UNC13C: variants seen among roughly 807,000 people sequenced by gnomAD.
UNC13C encodes unc-13 homolog C.
UNC13C carries 174 observed loss-of-function variants against 245.4 expected under a neutral mutation model. The observed-to-expected ratio is 0.71, with a 90% CI of 0.63 to 0.80. UNC13C has a LOEUF of 0.80. Among genes scored for constraint, UNC13C ranks in the 30% least tolerant of loss-of-function variants. The pLI, the probability that UNC13C is intolerant of heterozygous loss-of-function variation, is 0.00. For synonymous variants in UNC13C, 992 were observed against 895.1 expected (o/e 1.11, Z -1.93); for missense variants, 2,829 against 2,602.9 (o/e 1.09, Z -1.89).
At chr15:54,434,276 C>A (rs1261007243) in intron 19 of UNC13C, among the ~76,000 whole-genome samples, 1 of 152,000 alleles carries the variant, frequency 6.6e-6, no homozygotes, top group Non-Finnish European at 1.5e-5. Context: ...GCCCATATAG[C>A]CAAGACAATC....
At chr15:54,211,491 G>A (rs1363048615) in intron 4 of UNC13C, among the ~76,000 whole-genome samples, 1 of 152,044 alleles carries the variant, frequency 6.6e-6, no homozygotes, top group Non-Finnish European at 1.5e-5. Context: ...CTAGTATCAA[G>A]TTATCCTACT....
intron 2 of UNC13C, among the ~76,000 whole-genome samples, chr15:54,092,044 G>A (rs570902736): frequency 3.3e-5 from 5 of 152,068 alleles, no homozygotes; most frequent in African/African-American, 9.7e-5. Flanking sequence ...ATTTGAACAC[G>A]GATCCCCTCT....
At chr15:54,303,619 AT>A (rs1239046591) in intron 13 of UNC13C, among the ~76,000 whole-genome samples, 2 of 108,456 alleles carry the variant, frequency 1.8e-5, no homozygotes, top group African/African-American at 6.4e-5. Context: ...AAAGATAAGT[AT>A]TTTTCTTTTT....
intron 18 of UNC13C, among the ~76,000 whole-genome samples, chr15:54,401,951 G>A (rs2040195985): frequency 6.6e-6 from 1 of 151,580 alleles, no homozygotes; most frequent in Admixed American, 6.6e-5. Context: ...ATTATTTGTA[G>A]TTACTTGAGC....
chr15:54,567,914 A>C lies in UNC13C; in HGVS notation c.6073A>C (p.Ile2025Leu), dbSNP rs368140835. 1.3e-6 allele frequency: 2 copies of C among 1,585,068 alleles called. No homozygotes were observed. The highest frequency in any genetic ancestry group is 3.5e-5 in the Admixed American group (2 of 56,654). ...TTATACCCAAACTACTGATGCCTTGATAAAGAAATTCATAGATACTCAAAC... is the reference window on the plus strand; with the variant it reads ...TTATACCCAAACTACTGATGCCTTGCTAAAGAAATTCATAGATACTCAAAC... ...SLYTQTTDAL[I>L]KKFIDTQTSQ... Residue 2025 changes from isoleucine (I) to leucine (L), a missense_variant, in exon 30 of 33, where the codon ATA (isoleucine) becomes CTA (leucine). Physicochemically the swap from Ile to Leu is conservative, Grantham distance 5. Coordinates refer to ENST00000260323, the MANE Select transcript of UNC13C (RefSeq NM_001080534.3).
At chr15:54,454,966 C>T (rs1423853137) in intron 19 of UNC13C, among the ~76,000 whole-genome samples, 2 of 151,514 alleles carry the variant, frequency 1.3e-5, no homozygotes, top group Non-Finnish European at 1.5e-5. Flanking sequence ...TCCCTTACCA[C>T]CCTTGCCCCC....
chr15:54,518,929 C>G (rs971445903), intron 24 of UNC13C, among the ~76,000 whole-genome samples: 1 of 152,128 alleles, frequency 6.6e-6, no homozygotes, highest in Non-Finnish European at 1.5e-5. Context: ...CCAATAGATG[C>G]AACATGTAAG....
the UNC13C span, among the ~76,000 whole-genome samples, chr15:53,966,488 T>C: frequency 4.6e-5 from 7 of 152,210 alleles, no homozygotes; most frequent in African/African-American, 1.7e-4. Flanking sequence ...ATACTCTTTA[T>C]CCTTGAAGGT....
intron 19 of UNC13C, among the ~76,000 whole-genome samples, chr15:54,433,698 G>A (rs745324477): frequency 1.6e-4 from 25 of 151,790 alleles, no homozygotes; most frequent in East Asian, 7.8e-4. Flanking sequence ...CTCTCTCACC[G>A]CTTTTATTCA....
At chr15:54,124,700 C>T (rs542599259) in intron 2 of UNC13C, among the ~76,000 whole-genome samples, 3 of 152,198 alleles carry the variant, frequency 2.0e-5, no homozygotes, top group Admixed American at 6.5e-5. Flanking sequence ...AATCCCCAAG[C>T]CCTATGTCTT....
At chr15:54,063,030 G>T (rs1897915726) in intron 2 of UNC13C, among the ~76,000 whole-genome samples, 1 of 152,192 alleles carries the variant, frequency 6.6e-6, no homozygotes, top group African/African-American at 2.4e-5. Context: ...CTGGATAATT[G>T]TAGTGGGAAT....
chr15:53,927,522 G>T, the UNC13C span, among the ~76,000 whole-genome samples: 1 of 152,172 alleles, frequency 6.6e-6, no homozygotes, highest in Non-Finnish European at 1.5e-5. Context: ...CAGTTGTCAG[G>T]GTGGGTGATA....
chr15:54,135,612 G>T (rs897441191), intron 2 of UNC13C, among the ~76,000 whole-genome samples: 1 of 152,124 alleles, frequency 6.6e-6, no homozygotes, highest in East Asian at 1.9e-4. Context: ...TTTGCCATAT[G>T]TCTGTGGTTT....
intron 19 of UNC13C, among the ~76,000 whole-genome samples, chr15:54,481,937 A>T (rs1893143403): frequency 1.3e-5 from 2 of 152,172 alleles, no homozygotes; most frequent in Non-Finnish European, 2.9e-5. Flanking sequence ...GGATGGGCCC[A>T]TAACCAAGGC....
chr15:54,295,578 G>A (rs1263370032), intron 11 of UNC13C, among the ~76,000 whole-genome samples: 2 of 151,776 alleles, frequency 1.3e-5, no homozygotes, highest in Non-Finnish European at 2.9e-5. Flanking sequence ...TCGAATCCAG[G>A]ACACTGAGGC....
At position 54,622,506 on chromosome 15, in the gene UNC13C, A is replaced by G. The variant is rs1037856649; in HGVS notation, c.6199+87A>G. ...CAGCAATGTAACTTTTCTTGCATTT[A>G]AAAAAACTGCACAATTATTTTAGGG... On this transcript the variant is annotated intron_variant, in intron 31 of 32. Coordinates refer to ENST00000260323, the MANE Select transcript of UNC13C (RefSeq NM_001080534.3). 1.6e-5 allele frequency: 17 copies of G among 1,052,444 alleles called. No homozygotes were observed. In the East Asian group the frequency reaches 4.1e-4, roughly 26 times the overall value. The allele number at this position is 1,052,444 out of a possible 1,614,324, so 65.2% of individuals were successfully genotyped here. A position where few individuals can be genotyped will look rare whatever the true frequency, so the allele number is the denominator to read the frequency against.
chr15:54,377,874 C>T (rs910823193), intron 17 of UNC13C, among the ~76,000 whole-genome samples: 49 of 152,196 alleles, frequency 3.2e-4, no homozygotes, highest in African/African-American at 1.0e-3. Context: ...TGAATTTGGC[C>T]GTGGGGATTA....
intron 4 of UNC13C, among the ~76,000 whole-genome samples, chr15:54,179,901 T>A (rs1323422734): frequency 6.6e-6 from 1 of 152,116 alleles, no homozygotes; most frequent in Admixed American, 6.6e-5. Flanking sequence ...CAATGGTATG[T>A]TCTTTTCAAA....
intron 19 of UNC13C, among the ~76,000 whole-genome samples, chr15:54,445,022 G>T (rs1020690380): frequency 2.2e-5 from 3 of 135,018 alleles, no homozygotes; most frequent in Non-Finnish European, 1.5e-5. Context: ...GTGTCCAAGT[G>T]TTCACATTGT....
Sources: allele counts gnomAD v4.1 joint callset (sites outside exome capture counted in the v4.1 genomes callset), GRCh38; gene constraint gnomAD v4.1.1; transcripts MANE v1.5; gene names NCBI Gene and HGNC (gene_info 2026-07-23, HGNC 2026-07-21).